Variants in SACM1L observed in about 807,000 individuals in gnomAD.
SACM1L encodes the protein SAC1 like phosphatidylinositide phosphatase, also known as phosphatidylinositol-3-phosphatase SAC1.
SACM1L carries 32 observed loss-of-function variants against 89.5 expected under a neutral mutation model. That is an observed-to-expected ratio of 0.36 (90% CI 0.27 to 0.48). The LOEUF is 0.48. Ranked by LOEUF, SACM1L falls within the 20% of genes least tolerant of loss-of-function variation. The probability of loss-of-function intolerance (pLI) is 0.99; values close to 1 mark genes in which losing one functional copy is unlikely to be tolerated. For missense variants in SACM1L, 543 were observed against 708.5 expected (o/e 0.77, Z 2.65); for synonymous variants, 213 against 232.8 (o/e 0.92, Z 0.77).
At chr3:45,715,894 G>T (rs1698646037) in intron 7 of SACM1L, among the ~76,000 whole-genome samples, 1 of 151,712 alleles carries the variant, frequency 6.6e-6, no homozygotes, top group Non-Finnish European at 1.5e-5. Context: ...ACAATATTAA[G>T]TGAGATTATA....
Position 45,740,123 on chromosome 3 carries a change from T to C in SACM1L, c.1627+479T>C, listed in dbSNP as rs57049856. On this transcript the variant is annotated intron_variant, in intron 19 of 19. Transcript: ENST00000389061. ...AAGTGGTCACATTCTTGTGAGGCTT[T>C]GATTAGCACTCACTGAATCCATGTT... Among the ~76,000 whole-genome samples, 1,000 of 152,282 alleles carry C rather than the reference T, an allele frequency of 6.6e-3. 10 individuals carry two copies. The highest frequency in any genetic ancestry group is 0.023 in the African/African-American group (936 of 41,564).
intron 10 of SACM1L, 115 bp downstream of exon 10, chr3:45,723,070 C>A: frequency 1.1e-6 from 1 of 873,428 alleles, no homozygotes; most frequent in Non-Finnish European, 1.8e-6. Context: ...ATCTTTGAGG[C>A]TATTCTTCTT....
chr3:45,706,948 A>G (rs1364307154), intron 4 of SACM1L, 41 bp downstream of exon 4: 1 of 1,594,934 alleles, frequency 6.3e-7, no homozygotes. Flanking sequence ...CGCCCAAAGA[A>G]GTAGCATGGG....
In SACM1L at chr3:45,704,790, C is replaced by A. The variant is rs905330104; in HGVS notation, c.131-345C>A. Among the ~76,000 whole-genome samples, 4 of 152,182 alleles carry A rather than the reference C, an allele frequency of 2.6e-5. No individual in the cohort carries two copies. In the East Asian group the frequency reaches 7.7e-4, roughly 29 times the overall value. On this transcript the variant is annotated intron_variant, in intron 2 of 19. Coordinates refer to ENST00000389061, the MANE Select transcript of SACM1L (RefSeq NM_014016.5). ...TAAGACACATGATAAAATACTTCCA[C>A]GCAAAGTCAGTACTGATGAGCGACT... is the stretch of plus-strand genomic sequence containing the variant.
At chr3:45,714,241 G>GGT (rs1559542752) in intron 7 of SACM1L, among the ~76,000 whole-genome samples, 162 bp downstream of exon 7, 1 of 9,142 alleles carries the variant, frequency 1.1e-4, no homozygotes, top group Non-Finnish European at 1.0e-3. Context: ...TATTTTGTTT[G>GGT]TTTTTTTTTT....
intron 1 of SACM1L, among the ~76,000 whole-genome samples, chr3:45,696,445 T>C (rs1575382871): frequency 6.6e-6 from 1 of 152,232 alleles, no homozygotes; most frequent in Middle Eastern, 3.2e-3. Context: ...CAAATACCTT[T>C]TTGAAACCCT....
intron 13 of SACM1L, among the ~76,000 whole-genome samples, chr3:45,733,192 C>T (rs1234372190): frequency 6.6e-6 from 1 of 152,200 alleles, no homozygotes; most frequent in Non-Finnish European, 1.5e-5. Context: ...TTGCTGTTCA[C>T]TGTGGTCCAC....
intron 1 of SACM1L, among the ~76,000 whole-genome samples, chr3:45,692,419 G>C (rs1698017809): frequency 2.0e-5 from 3 of 151,934 alleles, no homozygotes; most frequent in Non-Finnish European, 4.4e-5. Context: ...AGCCTCCCAG[G>C]CTCAAGTGAT....
At chr3:45,721,700 A>G (rs1698791863) in intron 8 of SACM1L, among the ~76,000 whole-genome samples, 1 of 152,060 alleles carries the variant, frequency 6.6e-6, no homozygotes, top group South Asian at 2.1e-4. Flanking sequence ...AGATGTCTCA[A>G]GTTTGAGAAA....
chr3:45,699,085 T>TAATAAAA (rs1291811131), intron 1 of SACM1L, among the ~76,000 whole-genome samples: 1 of 152,196 alleles, frequency 6.6e-6, no homozygotes, highest in Non-Finnish European at 1.5e-5. Flanking sequence ...ATACAGTTTT[T>TAATAAAA]AAATCTTATT....
chr3:45,705,379 TAA>T (rs981461990), intron 3 of SACM1L, among the ~76,000 whole-genome samples, 170 bp downstream of exon 3: 2 of 152,194 alleles, frequency 1.3e-5, no homozygotes, highest in African/African-American at 2.4e-5. Context: ...CCCCAAATGG[TAA>T]AATTTATCAG....
At chr3:45,732,374 A>G (rs1357297396) in intron 13 of SACM1L, among the ~76,000 whole-genome samples, 1 of 152,198 alleles carries the variant, frequency 6.6e-6, no homozygotes, top group East Asian at 1.9e-4. Context: ...ATATCTTCAT[A>G]TTTTTATAAA....
At chr3:45,728,028 A>G (rs759405302) in intron 11 of SACM1L, among the ~76,000 whole-genome samples, 8 of 152,226 alleles carry the variant, frequency 5.3e-5, no homozygotes, top group South Asian at 2.1e-4. Flanking sequence ...CATTTAATCA[A>G]TAAACAATGT....
intron 5 of SACM1L, 81 bp from the exon 6 acceptor site, chr3:45,713,056 G>A: frequency 1.8e-6 from 2 of 1,128,978 alleles, no homozygotes; most frequent in South Asian, 1.4e-5. Context: ...ATCAGAAAGA[G>A]ACATTGATTG....
At chr3:45,716,353 T>TCC (rs1698661067) in intron 7 of SACM1L, among the ~76,000 whole-genome samples, 1 of 152,154 alleles carries the variant, frequency 6.6e-6, no homozygotes, top group Admixed American at 6.5e-5. Context: ...GTGCCTGTAG[T>TCC]CCCACCTGCT....
chr3:45,706,312 A>G (rs1311243719), intron 3 of SACM1L, among the ~76,000 whole-genome samples: 5 of 152,168 alleles, frequency 3.3e-5, no homozygotes, highest in Admixed American at 1.3e-4. Context: ...CCAGTTAGGT[A>G]TACTGCCCCA....
intron 19 of SACM1L, among the ~76,000 whole-genome samples, chr3:45,742,028 A>G (rs958780171): frequency 1.3e-5 from 2 of 152,112 alleles, no homozygotes; most frequent in Admixed American, 6.6e-5. Context: ...GAGCCACTCT[A>G]CTGTTAAATT....
At chr3:45,732,781 G>A (rs138081143) in intron 13 of SACM1L, among the ~76,000 whole-genome samples, 1 of 152,172 alleles carries the variant, frequency 6.6e-6, no homozygotes, top group Admixed American at 6.5e-5. Flanking sequence ...ATGCGTGCCA[G>A]TCTTTACCGA....
rs1255423111 is a variant in SACM1L, at chr3:45,689,510, G to C, written c.32+13G>C. The C allele has an allele frequency of 1.9e-6, 3 of 1,573,326 alleles. No homozygotes were observed. The highest frequency in any genetic ancestry group is 2.6e-6 in the Non-Finnish European group (3 of 1,160,308). On this transcript the variant is annotated intron_variant, in intron 1 of 19. Transcript: ENST00000389061. ...AGCAGCTGAAGCTGTGAGTCCCACG[G>C]GCCAGAGGCCTGAGGCGCGGCGGGC...
Sources: gnomAD v4.1 joint callset for allele counts (sites outside exome capture counted in the v4.1 genomes callset) on GRCh38, gnomAD v4.1.1 for gene constraint, MANE v1.5 for transcripts, NCBI Gene and HGNC (gene_info 2026-07-23, HGNC 2026-07-21) for gene names.